The following HOOK3 variants were observed in gnomAD, a reference collection of about 807,000 sequenced individuals.
The protein encoded by HOOK3 is hook microtubule tethering protein 3.
A neutral mutation model predicts 116.3 loss-of-function variants in HOOK3; 24 were observed. The ratio of observed to expected loss-of-function variants is 0.21; its 90% confidence interval spans 0.15 to 0.29. The LOEUF is 0.29. HOOK3 is among the 10% of genes least tolerant of loss of function. The pLI is 1.00. For missense variants in HOOK3, 632 were observed against 830.2 expected, an observed-to-expected ratio of 0.76 and a Z score of 2.93; for synonymous variants, 275 against 283.0, an observed-to-expected ratio of 0.97 and a Z score of 0.28.
chr8:42,906,644 C>T (rs769549426), intron 2 of HOOK3, among the ~76,000 whole-genome samples: 12 of 152,248 alleles, frequency 7.9e-5, no homozygotes, highest in East Asian at 1.9e-4. Flanking sequence ...AAAATAGCAA[C>T]GACAATTCCC....
chr8:42,987,224 C>T (rs1809064577), intron 15 of HOOK3, among the ~76,000 whole-genome samples: 1 of 152,106 alleles, frequency 6.6e-6, no homozygotes, highest in Non-Finnish European at 1.5e-5. Context: ...GAAAAATGGC[C>T]ATGTGCTGTT....
intron 7 of HOOK3, among the ~76,000 whole-genome samples, chr8:42,957,936 TC>T (rs1325651649): frequency 6.6e-6 from 1 of 151,816 alleles, no homozygotes; most frequent in Non-Finnish European, 1.5e-5. Context: ...TTCTCACCAT[TC>T]TCCTGCCTCA....
rs138464402 is a variant in HOOK3 at position 42,973,465 on chromosome 8, C to A, written c.1233+66C>A. ...AAAATTAAGGCGATTATGTTTAATTCATGTTTGGCCACATTCATTTAAGTT... is the reference window on the plus strand; with the variant it reads ...AAAATTAAGGCGATTATGTTTAATTAATGTTTGGCCACATTCATTTAAGTT... On this transcript the variant is annotated intron_variant, in intron 12 of 21. Coordinates refer to ENST00000307602, the MANE Select transcript of HOOK3 (RefSeq NM_032410.4). 4 of 944,214 alleles carry A rather than the reference C, an allele frequency of 4.2e-6. No homozygotes were observed. In the African/African-American group the frequency reaches 6.6e-5, roughly 15 times the overall value. 58.5% of individuals were successfully genotyped at this position (944,214 alleles called of 1,614,324 possible). A position where few individuals can be genotyped will look rare whatever the true frequency, so the allele number is the denominator to read the frequency against.
chr8:42,933,867 T>C (rs930713795), intron 4 of HOOK3, among the ~76,000 whole-genome samples: 2 of 152,180 alleles, frequency 1.3e-5, no homozygotes, highest in Admixed American at 6.5e-5. Context: ...TGTTGGTAAC[T>C]TGTTCACTTT....
chr8:42,980,249 G>A (rs1197920196), intron 13 of HOOK3, among the ~76,000 whole-genome samples: 2 of 151,882 alleles, frequency 1.3e-5, no homozygotes, highest in Non-Finnish European at 2.9e-5. Context: ...CACTGCACCC[G>A]ACCTCTACAT....
intron 1 of HOOK3, 86 bp from the exon 2 acceptor site, chr8:42,906,087 C>CAAA (rs35347216): frequency 1.9e-4 from 74 of 397,596 alleles, no homozygotes; most frequent in African/African-American, 3.5e-4. Flanking sequence ...ACTCCGTCTC[C>CAAA]AAAAAAAAAA....
At chr8:42,988,693 A>G (rs886289457) in intron 15 of HOOK3, among the ~76,000 whole-genome samples, 3 of 152,154 alleles carry the variant, frequency 2.0e-5, no homozygotes, top group Non-Finnish European at 4.4e-5. Context: ...GGGTGTCTTA[A>G]ATATGCTTTC....
intron 3 of HOOK3, among the ~76,000 whole-genome samples, chr8:42,928,231 A>G (rs1480834952): frequency 2.0e-5 from 3 of 151,992 alleles, no homozygotes; most frequent in African/African-American, 7.2e-5. Context: ...GTGAGCCAAG[A>G]TGGCGCCACT....
At chr8:42,900,842 A>C (rs1332330017) in intron 1 of HOOK3, among the ~76,000 whole-genome samples, 1 of 152,116 alleles carries the variant, frequency 6.6e-6, no homozygotes, top group Non-Finnish European at 1.5e-5. Context: ...GTTGATCTGC[A>C]TCATCTGGAG....
intron 13 of HOOK3, among the ~76,000 whole-genome samples, chr8:42,981,423 C>G (rs766972549): frequency 6.6e-6 from 1 of 152,158 alleles, no homozygotes; most frequent in Non-Finnish European, 1.5e-5. Flanking sequence ...AGGACTAGGA[C>G]ACCTTTCTTG....
At chr8:43,017,455 G>T (rs943003063) in intron 21 of HOOK3, among the ~76,000 whole-genome samples, 4 of 151,940 alleles carry the variant, frequency 2.6e-5, no homozygotes, top group Non-Finnish European at 4.4e-5. Context: ...TTAGAGAGGG[G>T]GTTTCTTGTT....
In HOOK3 at chr8:43,030,310, C is replaced by T. The variant is rs1370099810; in HGVS notation, c.*11812C>T. ...TTAGTGTTTTTGAAATCTTGTATTT[C>T]CTTTTGATATCATTTACTCATTTTA... On this transcript the variant is annotated 3_prime_UTR_variant, in exon 22 of 22. Transcript: ENST00000307602. The T allele has an allele frequency of 1.1e-5, 2 of 186,556 alleles. No individual in the cohort carries two copies. Among genetic ancestry groups the T allele is most frequent in the Non-Finnish European group, 2.3e-5 (2 of 88,440 alleles). 11.6% of individuals were successfully genotyped at this position (186,556 alleles called of 1,614,324 possible).
At chr8:42,953,242 T>C (rs1808373720) in intron 6 of HOOK3, among the ~76,000 whole-genome samples, 1 of 148,682 alleles carries the variant, frequency 6.7e-6, no homozygotes, top group African/African-American at 2.5e-5. Context: ...ATTCTACTTT[T>C]AGGAGTTTAT....
chr8:43,010,987 G>T (rs1586633816), intron 19 of HOOK3, among the ~76,000 whole-genome samples: 1 of 151,866 alleles, frequency 6.6e-6, no homozygotes, highest in Non-Finnish European at 1.5e-5. Flanking sequence ...GGGGGTTAAG[G>T]GGGTCCATTT....
chr8:43,015,250 C>T (rs141865882), intron 21 of HOOK3, among the ~76,000 whole-genome samples: 108 of 152,242 alleles, frequency 7.1e-4, no homozygotes, highest in Non-Finnish European at 1.2e-3. Context: ...AGGCTATGCA[C>T]GATGGCTCAC....
intron 4 of HOOK3, among the ~76,000 whole-genome samples, chr8:42,937,552 C>G (rs1244784055): frequency 6.6e-6 from 1 of 152,254 alleles, no homozygotes; most frequent in African/African-American, 2.4e-5. Flanking sequence ...CCTCTAAACA[C>G]TGCTTTAGCT....
chr8:42,927,709 A>G (rs918955900), intron 3 of HOOK3, among the ~76,000 whole-genome samples: 10 of 152,106 alleles, frequency 6.6e-5, no homozygotes, highest in Admixed American at 2.6e-4. Context: ...AGCTCAACCA[A>G]TCCTCCTACC....
chr8:42,932,398 G>A (rs999549183), intron 4 of HOOK3, among the ~76,000 whole-genome samples: 1 of 152,050 alleles, frequency 6.6e-6, no homozygotes, highest in Non-Finnish European at 1.5e-5. Flanking sequence ...AATAGAAAAT[G>A]TATGGCATTG....
intron 17 of HOOK3, among the ~76,000 whole-genome samples, chr8:43,002,902 A>G (rs1050046338): frequency 7.9e-5 from 12 of 152,204 alleles, no homozygotes; most frequent in Admixed American, 6.5e-4. Context: ...TAGATTTTCA[A>G]ATATTTCCTG....
Sources: gnomAD v4.1 joint callset for allele counts (sites outside exome capture counted in the v4.1 genomes callset) on GRCh38, gnomAD v4.1.1 for gene constraint, MANE v1.5 for transcripts, NCBI Gene and HGNC (gene_info 2026-07-23, HGNC 2026-07-21) for gene names.